Variants in MGLL observed in about 807,000 individuals in gnomAD.
MGLL encodes the protein lysophospholipase homolog.
MGLL carries 7 observed loss-of-function variants against 29.1 expected under a neutral mutation model. The observed-to-expected ratio is 0.24, with a 90% CI of 0.14 to 0.45. MGLL has a LOEUF of 0.45. Ranked by LOEUF, MGLL falls within the 20% of genes least tolerant of loss-of-function variation. MGLL has a pLI of 0.99. For synonymous variants in MGLL, 148 were observed against 168.3 expected (o/e 0.88, Z 0.93); for missense variants, 356 against 413.6 (o/e 0.86, Z 1.21).
rs80202000 is a variant in MGLL at position 127,716,014 on chromosome 3, G to A, written c.510+5039C>T. ...CTCCCCCATTGAGGTGAGACCCCCCGCACCTGCCCCATGACCCTGGTGAAA... is the reference window on the plus strand; with the variant it reads ...CTCCCCCATTGAGGTGAGACCCCCCACACCTGCCCCATGACCCTGGTGAAA... On this transcript the variant is annotated intron_variant, in intron 5 of 7. Transcript: ENST00000265052. The A allele has an allele frequency of 0.02, 7,032 of 357,438 alleles. 681 individuals carry two copies. The East Asian group carries it at 0.3, about 15-fold the overall frequency. 22.1% of individuals were successfully genotyped at this position (357,438 alleles called of 1,614,324 possible). A position where few individuals can be genotyped will look rare whatever the true frequency, so the allele number is the denominator to read the frequency against.
rs114589493 is a variant in MGLL at position 127,736,036 on chromosome 3, C to T, written c.263-13470G>A. 1.3e-3 allele frequency: 1,834 copies of T among 1,373,830 alleles called. 24 individuals are homozygous for T. In the African/African-American group the frequency reaches 0.023, roughly 17 times the overall value. The allele number at this position is 1,373,830 out of a possible 1,614,324, so 85.1% of individuals were successfully genotyped here. A position where few individuals can be genotyped will look rare whatever the true frequency, so the allele number is the denominator to read the frequency against. ...ACATGGAACAGACCTTTTTATTTTC[C>T]CTTGAAAACATTCAGTTAGATCTGT... On this transcript the variant is annotated intron_variant, in intron 3 of 7. Coordinates refer to ENST00000265052, the MANE Select transcript of MGLL (RefSeq NM_007283.7).
At chr3:127,744,190 AT>A (rs2076397928) in intron 3 of MGLL, among the ~76,000 whole-genome samples, 1 of 152,160 alleles carries the variant, frequency 6.6e-6, no homozygotes, top group Non-Finnish European at 1.5e-5. Flanking sequence ...ACGGTGCAGC[AT>A]TTTTGAAGTA....
intron 3 of MGLL, among the ~76,000 whole-genome samples, chr3:127,773,242 G>C (rs1275495735): frequency 6.6e-6 from 1 of 152,240 alleles, no homozygotes; most frequent in African/African-American, 2.4e-5. Flanking sequence ...TCCCCCGAAG[G>C]GGTCAAATTC....
At chr3:127,810,736 G>A (rs1233422463) in intron 2 of MGLL, among the ~76,000 whole-genome samples, 2 of 152,236 alleles carry the variant, frequency 1.3e-5, no homozygotes, top group African/African-American at 2.4e-5. Flanking sequence ...AGTGAAAGGG[G>A]CCACGTCTCC....
At chr3:127,778,464 T>A (rs928443300) in intron 3 of MGLL, among the ~76,000 whole-genome samples, 8 of 152,210 alleles carry the variant, frequency 5.3e-5, no homozygotes, top group African/African-American at 9.7e-5. Flanking sequence ...CTGGGGATAG[T>A]TAAACAAGGT....
intron 3 of MGLL, among the ~76,000 whole-genome samples, chr3:127,726,768 G>A (rs200187258): frequency 6.6e-6 from 1 of 151,812 alleles, no homozygotes; most frequent in Non-Finnish European, 1.5e-5. Flanking sequence ...AACCTTCTGT[G>A]AAGTTGAAGG....
chr3:127,739,045 C>T (rs1466651351), intron 3 of MGLL, among the ~76,000 whole-genome samples: 1 of 152,228 alleles, frequency 6.6e-6, no homozygotes, highest in East Asian at 1.9e-4. Flanking sequence ...GAAGGAAATG[C>T]CTGTGTCCAT....
intron 3 of MGLL, among the ~76,000 whole-genome samples, chr3:127,757,908 G>T (rs1029511542): frequency 6.6e-6 from 1 of 152,230 alleles, no homozygotes; most frequent in Non-Finnish European, 1.5e-5. Context: ...TAGCACACCT[G>T]TAGGTACTTG....
chr3:127,733,327 C>T (rs1017660244), intron 3 of MGLL, among the ~76,000 whole-genome samples: 3 of 152,172 alleles, frequency 2.0e-5, no homozygotes, highest in African/African-American at 7.2e-5. Context: ...CAAGAAATAG[C>T]CATAAAAATG....
rs148440653 is a variant in MGLL, at chr3:127,739,891, A to G, written c.263-17325T>C. On this transcript the variant is annotated intron_variant, in intron 3 of 7. Transcript: ENST00000265052. ...TGCACCTTTGCTAAGCACTTGCTGT[A>G]TGCTGGCCAGTGTCTAGGTGAAGCA... Among the ~76,000 whole-genome samples the G allele has an allele frequency of 2.1e-3, 327 of 152,298 alleles. 3 individuals carry two copies. Among genetic ancestry groups the G allele is most frequent in the African/African-American group, 7.5e-3 (310 of 41,568 alleles).
chr3:127,791,295 G>A (rs1400127763), intron 2 of MGLL: 1 of 152,228 alleles, frequency 6.6e-6, no homozygotes, highest in Non-Finnish European at 1.5e-5. Context: ...AGGCACTAGA[G>A]GGCCACCCCG....
chr3:127,793,400 C>T (rs945825644), intron 2 of MGLL, among the ~76,000 whole-genome samples: 3 of 152,184 alleles, frequency 2.0e-5, no homozygotes, highest in Admixed American at 6.5e-5. Flanking sequence ...AGAATGATAA[C>T]AGTAACATAT....
chr3:127,735,969 TC>T, intron 3 of MGLL: 1 of 1,440,240 alleles, frequency 6.9e-7, no homozygotes, highest in Non-Finnish European at 9.1e-7. Context: ...CGTTAAACCA[TC>T]TTTCGGCTCA....
chr3:127,738,511 G>C (rs1293638625), intron 3 of MGLL, among the ~76,000 whole-genome samples: 2 of 152,144 alleles, frequency 1.3e-5, no homozygotes, highest in Non-Finnish European at 2.9e-5. Flanking sequence ...TCAGCCCTGG[G>C]TTGCTCACAA....
At chr3:127,786,167 A>G (rs1282812563) in intron 2 of MGLL, among the ~76,000 whole-genome samples, 1 of 152,222 alleles carries the variant, frequency 6.6e-6, no homozygotes, top group East Asian at 1.9e-4. Flanking sequence ...CCAGCTGGGC[A>G]GCGACCTGAT....
Position 127,692,267 on chromosome 3 carries a change from G to A in MGLL, c.873C>T (p.Ser291=), listed in dbSNP as rs748034490. 1.1e-4 allele frequency: 175 copies of A among 1,613,864 alleles called. No homozygotes were observed. Among genetic ancestry groups the A allele is most frequent in the Non-Finnish European group, 1.3e-4 (159 of 1,179,896 alleles). The part of the protein sequence containing the change: ...LHKELPEVTN[S]VFHEINMWVS... ...CCCACATGTTTATTTCATGGAAGACGGAGTTGGTGACTTCAGGAAGCTCCT... is the reference window on the plus strand; with the variant it reads ...CCCACATGTTTATTTCATGGAAGACAGAGTTGGTGACTTCAGGAAGCTCCT... The change falls in exon 8 of 8, where the codon TCC becomes TCT. Residue 291 remains serine (S), a synonymous_variant. Transcript: ENST00000265052.
At chr3:127,750,454 C>T (rs1047262909) in intron 3 of MGLL, among the ~76,000 whole-genome samples, 3 of 152,080 alleles carry the variant, frequency 2.0e-5, no homozygotes, top group Non-Finnish European at 4.4e-5. Flanking sequence ...TCAGAAGCAG[C>T]TTATCAAAAA....
intron 5 of MGLL, among the ~76,000 whole-genome samples, chr3:127,714,787 G>A (rs1267466577): frequency 6.6e-6 from 1 of 152,200 alleles, no homozygotes; most frequent in African/African-American, 2.4e-5. Flanking sequence ...CACAGGAAAG[G>A]TGCAGAAAGA....
At chr3:127,706,467 C>T (rs1482372750) in intron 6 of MGLL, among the ~76,000 whole-genome samples, 1 of 152,238 alleles carries the variant, frequency 6.6e-6, no homozygotes, top group African/African-American at 2.4e-5. Flanking sequence ...ACAGCCGTTT[C>T]TCCCAGCCTT....
Sources: gnomAD v4.1 joint callset for allele counts (sites outside exome capture counted in the v4.1 genomes callset) on GRCh38, gnomAD v4.1.1 for gene constraint, MANE v1.5 for transcripts, NCBI Gene and HGNC (gene_info 2026-07-23, HGNC 2026-07-21) for gene names.